APLP2: variants seen among roughly 807,000 people sequenced by gnomAD.
APLP2 encodes the protein amyloid beta precursor like protein 2, also known as CDEI box-binding protein.
A neutral mutation model predicts 89.9 loss-of-function variants in APLP2; 53 were observed. The ratio of observed to expected loss-of-function variants is 0.59; its 90% CI spans 0.47 to 0.74. The LOEUF is 0.74. Ranked by LOEUF, APLP2 falls within the 30% of genes least tolerant of loss-of-function variation. The pLI, the probability that APLP2 is intolerant of heterozygous loss-of-function variation, is 0.00. For synonymous variants in APLP2, 372 were observed against 348.6 expected (o/e 1.07, Z -0.75); for missense variants, 973 against 975.9 (o/e 1.00, Z 0.04).
intron 1 of APLP2, chr11:130,100,446 G>A (rs994610044): frequency 3.3e-5 from 5 of 150,256 alleles, no homozygotes; most frequent in Admixed American, 1.3e-4. Flanking sequence ...ACTGTTCTGC[G>A]TGGTTTTTTT....
chr11:130,080,669 G>A (rs979178528), intron 1 of APLP2, among the ~76,000 whole-genome samples: 1 of 151,454 alleles, frequency 6.6e-6, no homozygotes, highest in African/African-American at 2.4e-5. Flanking sequence ...GAACTCTGTG[G>A]AGTCCTGTCA....
intron 7 of APLP2, among the ~76,000 whole-genome samples, chr11:130,125,479 TG>T (rs1329620422): frequency 6.6e-5 from 10 of 152,212 alleles, no homozygotes; most frequent in Non-Finnish European, 1.5e-4. Context: ...TTAGTTAATC[TG>T]AAAGTGGGAT....
chr11:130,101,101 C>A (rs1332856862), intron 1 of APLP2, among the ~76,000 whole-genome samples: 1 of 151,688 alleles, frequency 6.6e-6, no homozygotes, highest in Non-Finnish European at 1.5e-5. Context: ...TGATAGTCTT[C>A]CAATTGCAGA....
At chr11:130,071,157 CAG>C (rs1941007211) in intron 1 of APLP2, among the ~76,000 whole-genome samples, 1 of 151,952 alleles carries the variant, frequency 6.6e-6, no homozygotes, top group African/African-American at 2.4e-5. Context: ...TAGCTAATTT[CAG>C]AGAGACCTGA....
At position 130,128,662 on chromosome 11, in the gene APLP2, A is replaced by G. The variant is rs182580552; in HGVS notation, c.1297-386A>G. On this transcript the variant is annotated intron_variant, in intron 9 of 16. Coordinates refer to ENST00000338167, the MANE Select transcript of APLP2 (RefSeq NM_001142276.2). The stretch of plus-strand genomic sequence containing the variant: ...GGAATACTTCAACAGAACTTACCAC[A>G]TAACTCCCATTGGTCAGTGGTCTCA... Among the ~76,000 whole-genome samples, 5 of 152,330 alleles carry G rather than the reference A, an allele frequency of 3.3e-5. No homozygotes were observed. In the East Asian group the frequency reaches 9.6e-4, roughly 29 times the overall value.
rs1591827210 is a variant in APLP2, at chr11:130,123,349, C to T, written c.923-263C>T. Among the ~76,000 whole-genome samples the T allele has an allele frequency of 1.3e-5, 2 of 152,338 alleles. No homozygotes were observed. Among genetic ancestry groups the T allele is most frequent in the Admixed American group, 1.3e-4 (2 of 15,310 alleles). Reference sequence around the variant, plus strand: ...GCAGCTGTGAGACAAAGGAATTGCTCTACGTCAATCTAAACTCAGATCTAG... The same window carrying T: ...GCAGCTGTGAGACAAAGGAATTGCTTTACGTCAATCTAAACTCAGATCTAG... On this transcript the variant is annotated intron_variant, in intron 6 of 16. Coordinates refer to ENST00000338167, the MANE Select transcript of APLP2 (RefSeq NM_001142276.2). The surrounding 1 kb of genome is among the most constrained non-coding windows in gnomAD (Gnocchi z 4.0).
chr11:130,143,142 G>A (rs972757912), intron 16 of APLP2, among the ~76,000 whole-genome samples: 4 of 152,178 alleles, frequency 2.6e-5, no homozygotes, highest in Admixed American at 6.5e-5. Context: ...CAGGGCTCTC[G>A]TTTCGAAAGC....
chr11:130,086,385 A>G (rs777881133), intron 1 of APLP2, among the ~76,000 whole-genome samples: 3 of 152,082 alleles, frequency 2.0e-5, no homozygotes, highest in East Asian at 1.9e-4. Flanking sequence ...TTTTGTTGCT[A>G]TTGTTGAATT....
intron 1 of APLP2, among the ~76,000 whole-genome samples, chr11:130,083,375 G>A (rs1483818036): frequency 7.3e-6 from 1 of 136,920 alleles, no homozygotes; most frequent in Non-Finnish European, 1.5e-5. Flanking sequence ...CTTAACATGA[G>A]ATCTAAATTT....
chr11:130,088,319 A>T (rs564340550), intron 1 of APLP2, among the ~76,000 whole-genome samples: 6 of 152,342 alleles, frequency 3.9e-5, no homozygotes, highest in African/African-American at 1.4e-4. Context: ...GGCTGCAAGC[A>T]CTGGTAAGGA....
chr11:130,077,623 A>AC (rs1555125710), intron 1 of APLP2, among the ~76,000 whole-genome samples: 6 of 152,016 alleles, frequency 3.9e-5, no homozygotes, highest in African/African-American at 9.7e-5. Flanking sequence ...AAAAAAAAAA[A>AC]CAAAAAACCA....
At chr11:130,102,553 G>A (rs1947086221) in intron 1 of APLP2, among the ~76,000 whole-genome samples, 1 of 152,170 alleles carries the variant, frequency 6.6e-6, no homozygotes, top group Admixed American at 6.5e-5. Flanking sequence ...ATTTGATCCT[G>A]GAATAGTAGC....
chr11:130,100,255 TTTC>T lies in APLP2; in HGVS notation c.106-9172_106-9170del, dbSNP rs560867038. ...GCGCCTTAAAGCCACACTCTTGGTC[TTTC>T]TCCCAGGTCAGTAGTACAGTGAGTA... On this transcript the variant is annotated intron_variant, in intron 1 of 16. Transcript: ENST00000338167. The T allele has an allele frequency of 1.1e-4, 16 of 152,328 alleles. No homozygotes were observed. In the South Asian group the frequency reaches 3.1e-3, roughly 30 times the overall value. 9.4% of individuals were successfully genotyped at this position (152,328 alleles called of 1,614,324 possible).
chr11:130,138,515 T>C (rs1951906942), intron 13 of APLP2, among the ~76,000 whole-genome samples: 1 of 152,120 alleles, frequency 6.6e-6, no homozygotes, highest in African/African-American at 2.4e-5. Flanking sequence ...AAGTCACTTG[T>C]TTATGTTAAG....
chr11:130,070,508 C>T (rs1940772784), intron 1 of APLP2: 2 of 1,222,800 alleles, frequency 1.6e-6, no homozygotes, highest in Admixed American at 4.4e-5. Context: ...CCGTACGCTC[C>T]CTCGCGCGGC....
chr11:130,071,423 G>A (rs1941073275), intron 1 of APLP2, among the ~76,000 whole-genome samples: 1 of 152,222 alleles, frequency 6.6e-6, no homozygotes, highest in African/African-American at 2.4e-5. Context: ...GATTGCGATT[G>A]TTTCAGTGTG....
intron 1 of APLP2, among the ~76,000 whole-genome samples, chr11:130,087,746 G>GT (rs1259679162): frequency 6.6e-6 from 1 of 152,108 alleles, no homozygotes; most frequent in Non-Finnish European, 1.5e-5. Context: ...GGCTTTCTGT[G>GT]TAATACTGTA....
Position 130,123,396 on chromosome 11 carries a change from ATATT to A in APLP2, c.923-212_923-209del, listed in dbSNP as rs1565589968. On this transcript the variant is annotated intron_variant, in intron 6 of 16. Transcript: ENST00000338167. This position sits in a 1 kb window ranked among gnomAD's most constrained non-coding sequence, Gnocchi z 4.0. ...CTAGACTCCAGAGGGTGCCAAAAAA[ATATT>A]TATCCCAGTTCCTAAATGTCTCTAC... 6.6e-6 allele frequency among the ~76,000 whole-genome samples: 1 copy of A among 152,230 alleles called. No individual in the cohort carries two copies. Among genetic ancestry groups the A allele is most frequent in the Non-Finnish European group, 1.5e-5 (1 of 68,046 alleles).
rs1949867461 is a variant in APLP2, at chr11:130,121,890, C to T, written c.713+80C>T. 40 of 1,548,624 alleles carry T rather than the reference C, an allele frequency of 2.6e-5. No individual in the cohort carries two copies. In the South Asian group the frequency reaches 4.9e-4, roughly 19 times the overall value. On this transcript the variant is annotated intron_variant, in intron 5 of 16. Coordinates refer to ENST00000338167, the MANE Select transcript of APLP2 (RefSeq NM_001142276.2). ...GTAAAGACGGCTGTTGGCTGCTAGT[C>T]CCTCACTTCTGGATAAACTGGGCAT... is the stretch of plus-strand genomic sequence containing the variant.
Sources: gnomAD v4.1 joint callset for allele counts (sites outside exome capture counted in the v4.1 genomes callset) on GRCh38, gnomAD v4.1.1 for gene constraint, Gnocchi (gnomAD v3.1) non-coding constraint, MANE v1.5 for transcripts, NCBI Gene and HGNC (gene_info 2026-07-23, HGNC 2026-07-21) for gene names.